The following MCEE variants were observed in gnomAD, a reference collection of about 807,000 sequenced individuals.
MCEE encodes the protein methylmalonyl-CoA epimerase, also known as methylmalonyl-CoA epimerase, mitochondrial.
MCEE carries 6 observed loss-of-function variants against 12.9 expected under a neutral mutation model. The ratio of observed to expected loss-of-function variants is 0.47; its 90% confidence interval spans 0.26 to 0.92. MCEE has a LOEUF of 0.92. MCEE is among the 40% of genes least tolerant of loss of function. The pLI is 0.16. For synonymous variants in MCEE, 78 were observed against 77.9 expected, an observed-to-expected ratio of 1.00 and a Z score of -0.01; for missense variants, 214 against 212.1, an observed-to-expected ratio of 1.01 and a Z score of -0.05.
chr2:71,115,801 C>T (rs1388488097), intron 2 of MCEE, among the ~76,000 whole-genome samples: 1 of 130,596 alleles, frequency 7.7e-6, no homozygotes, highest in Non-Finnish European at 1.5e-5. Context: ...GAGTCATATA[C>T]CGGGGCCTGT....
intron 2 of MCEE, among the ~76,000 whole-genome samples, chr2:71,111,875 A>G (rs1672891423): frequency 1.3e-5 from 2 of 152,096 alleles, no homozygotes; most frequent in Admixed American, 1.3e-4. Flanking sequence ...TCAGAAATCA[A>G]TTCCTGTGCT....
At chr2:71,129,997 T>C (rs1673334640) in intron 1 of MCEE, 183 bp downstream of exon 1, 1 of 683,608 alleles carries the variant, frequency 1.5e-6, no homozygotes, top group South Asian at 1.6e-5. Context: ...CAATCCCCGC[T>C]ACTAAGCGGT....
intron 1 of MCEE, among the ~76,000 whole-genome samples, chr2:71,124,797 A>G (rs1420272240): frequency 1.3e-5 from 2 of 152,140 alleles, no homozygotes; most frequent in African/African-American, 2.4e-5. Context: ...ACAGGATAAC[A>G]TTTTTTCATA....
chr2:71,124,262 T>A lies in MCEE; in HGVS notation c.322A>T (p.Ile108Phe). ...LLHPLGRDSP[I>F]AGFLQKNKAG... ...TTGTTTTTCTGCAGAAAACCTGCAA[T>A]TGGACTGTCACGTCCCAATGGATGA... Residue 108 changes from isoleucine to phenylalanine, a missense_variant, in exon 2 of 3, where the codon ATT becomes TTT. Physicochemically the swap from Ile to Phe is conservative, Grantham distance 21. Transcript: ENST00000244217. 1 of 1,614,228 alleles carries A rather than the reference T, an allele frequency of 6.2e-7. No homozygotes were observed.
chr2:71,110,180 T>C lies in MCEE; in HGVS notation c.379-58A>G. On this transcript the variant is annotated intron_variant, in intron 2 of 2. Coordinates refer to ENST00000244217, the MANE Select transcript of MCEE (RefSeq NM_032601.4). ...AGATCATAAAAATACCAACTTATAGTATCATAAGACTTAGAAAAAACTTTG... is the reference window on the plus strand; with the variant it reads ...AGATCATAAAAATACCAACTTATAGCATCATAAGACTTAGAAAAAACTTTG... 7.9e-6 allele frequency: 12 copies of C among 1,512,614 alleles called. No homozygotes were observed. The South Asian group carries it at 1.2e-4, about 16-fold the overall frequency. The allele number at this position is 1,512,614 out of a possible 1,614,324, so 93.7% of individuals were successfully genotyped here.
chr2:71,115,880 G>A (rs1201959413), intron 2 of MCEE, among the ~76,000 whole-genome samples: 2 of 149,356 alleles, frequency 1.3e-5, no homozygotes, highest in Non-Finnish European at 2.9e-5. Context: ...GTTAATGGGT[G>A]CAGCAAACCA....
At chr2:71,127,822 T>G (rs2103648010) in intron 1 of MCEE, among the ~76,000 whole-genome samples, 1 of 152,260 alleles carries the variant, frequency 6.6e-6, no homozygotes, top group East Asian at 1.9e-4. Flanking sequence ...AGATGGGTTT[T>G]GCCATGTTGG....
chr2:71,124,087 T>C (rs1348570317), intron 2 of MCEE, 119 bp downstream of exon 2: 3 of 723,814 alleles, frequency 4.1e-6, no homozygotes, highest in Non-Finnish European at 7.1e-6. Context: ...ATATTATCAT[T>C]CTCCTTAAAG....
At chr2:71,117,257 G>A (rs1402893330) in intron 2 of MCEE, among the ~76,000 whole-genome samples, 9 of 150,534 alleles carry the variant, frequency 6.0e-5, no homozygotes, top group Non-Finnish European at 8.8e-5. Context: ...GGTTCAGATG[G>A]TTCCAGTCTT....
At chr2:71,127,891 GC>G (rs2103648140) in intron 1 of MCEE, among the ~76,000 whole-genome samples, 1 of 152,332 alleles carries the variant, frequency 6.6e-6, no homozygotes, top group South Asian at 2.1e-4. Context: ...CTCCCAAAGT[GC>G]TGGGATTACA....
At chr2:71,125,188 A>AATATATATATATATATATAT (rs67615436) in intron 1 of MCEE, among the ~76,000 whole-genome samples, 44 of 65,640 alleles carry the variant, frequency 6.7e-4, no homozygotes, top group South Asian at 2.0e-3. Context: ...TATATATATA[A>AATATATATATATATATATAT]ATATATATAT....
At chr2:71,115,785 G>C (rs1672978442) in intron 2 of MCEE, among the ~76,000 whole-genome samples, 1 of 146,640 alleles carries the variant, frequency 6.8e-6, no homozygotes, top group Non-Finnish European at 1.5e-5. Flanking sequence ...ATGGACACAG[G>C]GTGGGGAGTC....
At chr2:71,125,211 A>ATATATATATATATTTT in intron 1 of MCEE, among the ~76,000 whole-genome samples, 1 of 48,606 alleles carries the variant, frequency 2.1e-5, no homozygotes, top group Non-Finnish European at 4.4e-5. Context: ...ATATATATAT[A>ATATATATATATATTTT]TTTTTTTTTT....
intron 1 of MCEE, among the ~76,000 whole-genome samples, chr2:71,127,577 T>A (rs1673263526): frequency 1.3e-5 from 2 of 152,370 alleles, no homozygotes; most frequent in South Asian, 4.1e-4. Flanking sequence ...TTTCTTTGCA[T>A]CTTTGCAAAG....
intron 2 of MCEE, among the ~76,000 whole-genome samples, chr2:71,112,538 C>T (rs1053259947): frequency 6.8e-5 from 10 of 146,386 alleles, no homozygotes; most frequent in Non-Finnish European, 8.9e-5. Context: ...TGGGTTCAAG[C>T]GATTCTCCTG....
At position 71,121,349 on chromosome 2, in the gene MCEE, G is replaced by A. The variant is rs77627743; in HGVS notation, c.378+2857C>T. Among the ~76,000 whole-genome samples, 6 of 152,294 alleles carry A rather than the reference G, an allele frequency of 3.9e-5. 1 individual carries two copies. The East Asian group carries it at 1.2e-3, about 29-fold the overall frequency. ...CCTGGAGCAACCTTGTAAGTCATGT[G>A]TCATGGACAGCAGAGCTGCCCATCA... On this transcript the variant is annotated intron_variant, in intron 2 of 2. Transcript: ENST00000244217.
chr2:71,125,211 A>ATT (rs1243506608), intron 1 of MCEE, among the ~76,000 whole-genome samples: 650 of 48,588 alleles, frequency 0.013, 44 homozygotes, highest in Admixed American at 0.026. Flanking sequence ...ATATATATAT[A>ATT]TTTTTTTTTT....
At chr2:71,129,855 G>T (rs1673330450) in intron 1 of MCEE, 3 of 465,564 alleles carry the variant, frequency 6.4e-6, no homozygotes, top group East Asian at 4.1e-5. Flanking sequence ...TTACCGATCC[G>T]CTTCTATTTA....
intron 1 of MCEE, among the ~76,000 whole-genome samples, chr2:71,127,242 A>C (rs1474195789): frequency 2.0e-5 from 3 of 152,252 alleles, no homozygotes; most frequent in African/African-American, 4.8e-5. Context: ...CTTCCTTTCA[A>C]TATCAATTCT....
Sources: gnomAD v4.1 joint callset for allele counts (sites outside exome capture counted in the v4.1 genomes callset) on GRCh38, gnomAD v4.1.1 for gene constraint, MANE v1.5 for transcripts, NCBI Gene and HGNC (gene_info 2026-07-23, HGNC 2026-07-21) for gene names.